The following WASF2 variants were observed in gnomAD, a reference collection of about 807,000 sequenced individuals.
WASF2 encodes the protein actin-binding protein WASF2.
A neutral mutation model predicts 45.0 loss-of-function variants in WASF2; 14 were observed. The ratio of observed to expected loss-of-function variants is 0.31; its 90% CI spans 0.21 to 0.49. The LOEUF (loss-of-function observed/expected upper bound fraction) is 0.49, where lower values mean the gene tolerates loss of function less well. WASF2 is among the 20% of genes least tolerant of loss of function. The probability of loss-of-function intolerance (pLI) is 0.99; values close to 1 mark genes in which losing one functional copy is unlikely to be tolerated. For synonymous variants in WASF2, 200 were observed against 236.3 expected (o/e 0.85, Z 1.41); for missense variants, 439 against 636.1 (o/e 0.69, Z 3.33).
In WASF2 at chr1:27,404,268, T is replaced by C. The variant is rs1403494620; in HGVS notation, c.*3921A>G. On this transcript the variant is annotated 3_prime_UTR_variant, in exon 9 of 9. Transcript: ENST00000618852. ...AGACTTTATCAAATTATTTTAAATG[T>C]TGGCATTTAAGTATTCATGTGTATA... 6.6e-6 allele frequency: 1 copy of C among 152,218 alleles called. No individual in the cohort carries two copies. The highest frequency in any genetic ancestry group is 1.5e-5 in the Non-Finnish European group (1 of 68,046). 9.4% of individuals were successfully genotyped at this position (152,218 alleles called of 1,614,324 possible).
intron 6 of WASF2, among the ~76,000 whole-genome samples, chr1:27,413,060 T>C (rs1488934878): frequency 6.6e-6 from 1 of 152,184 alleles, no homozygotes; most frequent in African/African-American, 2.4e-5. Flanking sequence ...CAGATATACC[T>C]GAATCCCAAA....
At chr1:27,485,181 C>T (rs1489595051) in intron 1 of WASF2, among the ~76,000 whole-genome samples, 1 of 151,940 alleles carries the variant, frequency 6.6e-6, no homozygotes, top group Admixed American at 6.6e-5. Context: ...CATGAATCTA[C>T]AGATCTGCAT....
At chr1:27,430,177 A>C (rs937133528) in intron 1 of WASF2, among the ~76,000 whole-genome samples, 1 of 152,236 alleles carries the variant, frequency 6.6e-6, no homozygotes, top group Non-Finnish European at 1.5e-5. Context: ...AGAGGGTTTT[A>C]ATTTCCACAA....
chr1:27,416,221 A>G (rs1313011319), intron 4 of WASF2, 119 bp from the exon 5 acceptor site: 26 of 806,548 alleles, frequency 3.2e-5, no homozygotes, highest in Middle Eastern at 2.3e-4. Flanking sequence ...AAGTCATTTG[A>G]ATCGATTGCA....
chr1:27,464,751 CAG>C (rs764959957), intron 1 of WASF2, among the ~76,000 whole-genome samples: 30 of 152,308 alleles, frequency 2.0e-4, no homozygotes, highest in African/African-American at 7.2e-4. Context: ...CATTTTGAGA[CAG>C]AGTCTCGCTC....
At position 27,410,299 on chromosome 1, in the gene WASF2, G is replaced by A. The variant is rs151173269; in HGVS notation, c.825-93C>T. The A allele has an allele frequency of 2.7e-4, 419 of 1,537,948 alleles. 2 individuals carry two copies. The African/African-American group carries it at 5.1e-3, about 19-fold the overall frequency. ...TTGTCTACAGACCGAGGTTTATCTT[G>A]GTTGACTATACCATTTCACTTTCAC... On this transcript the variant is annotated intron_variant, in intron 7 of 8. Coordinates refer to ENST00000618852, the MANE Select transcript of WASF2 (RefSeq NM_006990.5). This position sits in a 1 kb window ranked among gnomAD's most constrained non-coding sequence, Gnocchi z 4.2.
At chr1:27,488,204 T>C (rs1571173548) in intron 1 of WASF2, among the ~76,000 whole-genome samples, 2 of 152,128 alleles carry the variant, frequency 1.3e-5, no homozygotes, top group African/African-American at 2.4e-5. Context: ...ATGAGAACAA[T>C]ACCCATAGCC....
chr1:27,409,946 G>C lies in WASF2; in HGVS notation c.1085C>G (p.Ala362Gly). The C allele has an allele frequency of 6.2e-7, 1 of 1,608,672 alleles. No individual in the cohort carries two copies. The highest frequency in any genetic ancestry group is 1.1e-5 in the South Asian group (1 of 90,004). The change falls in exon 8 of 9, where the codon GCT (alanine) becomes GGT (glycine). Residue 362 changes from alanine (A) to glycine (G), a missense_variant. Around this residue, in one of 5 missense-constraint regions of WASF2, gnomAD observed 286 missense variants for 373.5 expected, o/e 0.77. Transcript: ENST00000618852. ...PPSFPPHPDF[A>G]APPPPPPPPA... ...TGGTGGAGGAGGAGGTGGAGGGGCA[G>C]CAAAATCAGGGTGAGGTGGGAAAGA...
chr1:27,457,234 G>C (rs2148128864), intron 1 of WASF2: 1 of 152,136 alleles, frequency 6.6e-6, no homozygotes, highest in South Asian at 2.1e-4. Context: ...CTAGGAGCTT[G>C]TCCATTTTTA....
At position 27,407,665 on chromosome 1, in the gene WASF2, C is replaced by T. The variant is rs536080318; in HGVS notation, c.*524G>A. 6.6e-6 allele frequency: 1 copy of T among 152,530 alleles called. No homozygotes were observed. The highest frequency in any genetic ancestry group is 1.5e-5 in the Non-Finnish European group (1 of 68,158). 9.4% of individuals were successfully genotyped at this position (152,530 alleles called of 1,614,324 possible). On this transcript the variant is annotated 3_prime_UTR_variant, in exon 9 of 9. Transcript: ENST00000618852. The stretch of plus-strand genomic sequence containing the variant: ...GATCGCTTAGCAAAAGGCAGGCCCA[C>T]CCTGCTGATTAGGGCAGAGGGTGAG...
intron 2 of WASF2, among the ~76,000 whole-genome samples, chr1:27,423,535 G>C (rs1303937028): frequency 4.6e-5 from 7 of 152,146 alleles, no homozygotes; most frequent in Non-Finnish European, 1.0e-4. Flanking sequence ...ATTCCAATCA[G>C]TAATTTGATA....
chr1:27,459,139 T>G (rs1319890271), intron 1 of WASF2, among the ~76,000 whole-genome samples: 3 of 151,458 alleles, frequency 2.0e-5, no homozygotes, highest in Non-Finnish European at 4.4e-5. Flanking sequence ...AAAAAAAAAG[T>G]TTCAGAGGCC....
At chr1:27,478,407 T>C (rs1414768418) in intron 1 of WASF2, among the ~76,000 whole-genome samples, 2 of 151,942 alleles carry the variant, frequency 1.3e-5, no homozygotes, top group Admixed American at 6.6e-5. Context: ...TGTGAAAAAC[T>C]TTATGTTGAA....
At chr1:27,429,001 CTTTTTTTT>C in intron 1 of WASF2, 68 bp from the exon 2 acceptor site, 1 of 719,376 alleles carries the variant, frequency 1.4e-6, no homozygotes, top group Non-Finnish European at 2.0e-6. Context: ...CTGTGTGAAT[CTTTTTTTT>C]TTTTTTTTTT....
intron 2 of WASF2, among the ~76,000 whole-genome samples, chr1:27,421,959 A>C (rs536968152): frequency 6.6e-6 from 1 of 151,942 alleles, no homozygotes; most frequent in Non-Finnish European, 1.5e-5. Flanking sequence ...CTATCTCAAA[A>C]ATAATAATAA....
intron 1 of WASF2, among the ~76,000 whole-genome samples, chr1:27,456,981 A>G (rs1474801152): frequency 1.3e-5 from 2 of 151,942 alleles, no homozygotes; most frequent in Non-Finnish European, 2.9e-5. Flanking sequence ...ACCTCAGGTG[A>G]TCTGCCCGTC....
At chr1:27,424,833 G>C (rs2016954463) in intron 2 of WASF2, among the ~76,000 whole-genome samples, 1 of 152,168 alleles carries the variant, frequency 6.6e-6, no homozygotes, top group Non-Finnish European at 1.5e-5. Context: ...TTGAGACATA[G>C]GTGATTTGTG....
chr1:27,422,618 CAAAAAAAAAAAA>C (rs782035111), intron 2 of WASF2, among the ~76,000 whole-genome samples: 1 of 128,854 alleles, frequency 7.8e-6, no homozygotes, highest in Non-Finnish European at 1.6e-5. Context: ...GACTCCGTCT[CAAAAAAAAAAAA>C]AAAAAAGAAA....
intron 1 of WASF2, among the ~76,000 whole-genome samples, chr1:27,432,054 C>G (rs1191986159): frequency 6.6e-6 from 1 of 152,086 alleles, no homozygotes; most frequent in Non-Finnish European, 1.5e-5. Context: ...TTTGGATAAT[C>G]AAGGATTGGT....
Sources: allele counts gnomAD v4.1 joint callset (sites outside exome capture counted in the v4.1 genomes callset), GRCh38; gene constraint gnomAD v4.1.1; regional missense constraint gnomAD v4.1.1; non-coding constraint Gnocchi (gnomAD v3.1); transcripts MANE v1.5; gene names NCBI Gene and HGNC (gene_info 2026-07-23, HGNC 2026-07-21).